Variants in SYVN1 observed in about 807,000 individuals in gnomAD.
SYVN1 encodes synoviolin 1.
SYVN1 carries 17 observed loss-of-function variants against 62.6 expected under a neutral mutation model. That is an observed-to-expected ratio of 0.27 (90% CI 0.19 to 0.41). SYVN1 has a LOEUF of 0.41. Ranked by LOEUF, SYVN1 falls within the 10% of genes least tolerant of loss-of-function variation. SYVN1 has a pLI of 1.00. For missense variants in SYVN1, 634 were observed against 818.0 expected (o/e 0.78, Z 2.74); for synonymous variants, 316 against 304.0 (o/e 1.04, Z -0.41).
In SYVN1 at chr11:65,128,504, CTG is replaced by C. The variant is rs1418460750; in HGVS notation, c.1748-18_1748-17del. 1 of 1,613,354 alleles carries C rather than the reference CTG, an allele frequency of 6.2e-7. No individual in the cohort carries two copies. Among genetic ancestry groups the C allele is most frequent in the South Asian group, 1.1e-5 (1 of 91,006 alleles). The stretch of plus-strand genomic sequence containing the variant: ...GACTCAGGAGCTGGGGACAGAGAGA[CTG>C]GAAGTGGAACCTAGAGAAGTTCCCT... On this transcript the variant is annotated splice_polypyrimidine_tract_variant and intron_variant, in intron 15 of 15. Coordinates refer to ENST00000377190, the MANE Select transcript of SYVN1 (RefSeq NM_172230.3).
intron 1 of SYVN1, 114 bp from the exon 2 acceptor site, chr11:65,133,732 C>T: frequency 2.4e-6 from 2 of 839,002 alleles, no homozygotes; most frequent in East Asian, 2.7e-5. Context: ...ATTTCGCCCT[C>T]GAAATCATCA....
intron 14 of SYVN1, 82 bp downstream of exon 14, chr11:65,129,647 G>A (rs1948148576): frequency 1.4e-6 from 2 of 1,423,166 alleles, no homozygotes; most frequent in Non-Finnish European, 2.0e-6. Context: ...GGTGTCAAAG[G>A]CCAAGAACCA....
chr11:65,131,572 G>A lies in SYVN1; in HGVS notation c.556C>T (p.Leu186Phe), dbSNP rs1948180690. ...AGCACATACTTGATGAAGATGGTGAGCACCATCGTCATCAGGATGGCATAC... is the reference window on the plus strand; with the variant it reads ...AGCACATACTTGATGAAGATGGTGAACACCATCGTCATCAGGATGGCATAC... ...FEYAILMTMV[L>F]TIFIKYVLHS... The change falls in exon 7 of 16, where the codon CTC (leucine) becomes TTC (phenylalanine). Residue 186 changes from leucine (L) to phenylalanine (F), a missense_variant. Leu to Phe is a conservative substitution (Grantham distance 22). Around this residue, in one of 2 missense-constraint regions of SYVN1, gnomAD observed 283 missense variants for 444.7 expected, o/e 0.64. Transcript: ENST00000377190. 2 of 1,613,746 alleles carry A rather than the reference G, an allele frequency of 1.2e-6. No homozygotes were observed. Among genetic ancestry groups the A allele is most frequent in the African/African-American group, 1.3e-5 (1 of 74,858 alleles).
Position 65,128,616 on chromosome 11 carries a change from G to T in SYVN1, c.1694C>A (p.Thr565Lys), listed in dbSNP as rs374312195. 8 of 1,614,108 alleles carry T rather than the reference G, an allele frequency of 5.0e-6. No individual in the cohort carries two copies. In the South Asian group the frequency reaches 7.7e-5, roughly 16 times the overall value. Residue 565 changes from threonine (T) to lysine (K), a missense_variant, in exon 15 of 16, where the codon ACG (threonine) becomes AAG (lysine). Thr to Lys is a moderately conservative substitution (Grantham distance 78, BLOSUM62 -1). Transcript: ENST00000377190. ...SSTSIPSSEA[T>K]TPTPGASPPA... ...TGGGGAGGCTCCTGGGGTTGGGGTCGTGGCCTCTGAGCTAGGGATGCTGGT... is the reference window on the plus strand; with the variant it reads ...TGGGGAGGCTCCTGGGGTTGGGGTCTTGGCCTCTGAGCTAGGGATGCTGGT...
At chr11:65,134,126 C>CG (rs1948217055) in intron 1 of SYVN1, 2 of 153,888 alleles carry the variant, frequency 1.3e-5, no homozygotes. Context: ...GGGCGGGGAA[C>CG]GTCAGCCTGG....
Position 65,129,895 on chromosome 11 carries a change from G to A in SYVN1, c.1429C>T (p.Pro477Ser), listed in dbSNP as rs1164060777. The change falls in exon 14 of 16, where the codon CCC becomes TCC. Residue 477 changes from proline to serine, a missense_variant. Around this residue, in one of 2 missense-constraint regions of SYVN1, gnomAD observed 351 missense variants for 373.3 expected, o/e 0.94. Transcript: ENST00000377190. Reference protein sequence around the residue: ...PPFAFPPMPVPPAGFAGLTPE... With the variant: ...PPFAFPPMPVSPAGFAGLTPE... ...GTCAGCCCAGCAAAGCCCGCAGGGG[G>A]CACAGGCATTGGGGGGAAGGCTGGA... is the stretch of plus-strand genomic sequence containing the variant. 4 of 1,613,882 alleles carry A rather than the reference G, an allele frequency of 2.5e-6. No individual in the cohort carries two copies. The highest frequency in any genetic ancestry group is 3.4e-6 in the Non-Finnish European group (4 of 1,179,958).
chr11:65,132,527 G>GGGCTGCCCA (rs1443996161), intron 5 of SYVN1, 176 bp from the exon 6 acceptor site: 1 of 766,270 alleles, frequency 1.3e-6, no homozygotes, highest in African/African-American at 1.7e-5. Flanking sequence ...GGAGTTGTTG[G>GGGCTGCCCA]GGCTGCCCAG....
intron 6 of SYVN1, 116 bp downstream of exon 6, chr11:65,132,132 G>C (rs1029255106): frequency 2.5e-6 from 2 of 805,872 alleles, no homozygotes; most frequent in African/African-American, 3.4e-5. Context: ...ACTGCCCCTT[G>C]GTGGCCAGCA....
chr11:65,128,438 C>T lies in SYVN1; in HGVS notation c.1798G>A (p.Ala600Thr). ...EEMPEDGEPD[A>T]AELRRRRLQK... ...AGGCGGCGCCGGCGGAGCTCTGCTG[C>T]ATCGGGCTCTCCATCCTCAGGCATC... The change falls in exon 16 of 16, where the codon GCA becomes ACA. Residue 600 changes from alanine to threonine, a missense_variant. Physicochemically the swap from Ala to Thr is moderately conservative, Grantham distance 58 (BLOSUM62 0). Coordinates refer to ENST00000377190, the MANE Select transcript of SYVN1 (RefSeq NM_172230.3). 1 of 1,614,162 alleles carries T rather than the reference C, an allele frequency of 6.2e-7. No homozygotes were observed. The highest frequency in any genetic ancestry group is 8.5e-7 in the Non-Finnish European group (1 of 1,180,026).
chr11:65,128,548 G>A lies in SYVN1; in HGVS notation c.1747+15C>T. The A allele has an allele frequency of 1.2e-6, 2 of 1,613,618 alleles. No individual in the cohort carries two copies. Among genetic ancestry groups the A allele is most frequent in the East Asian group, 2.2e-5 (1 of 44,888 alleles). On this transcript the variant is annotated intron_variant, in intron 15 of 15. Transcript: ENST00000377190. The stretch of plus-strand genomic sequence containing the variant: ...AAGTTCCCTGCTCCCCCGGCTGGAG[G>A]CCAATCACACCTACCTGGAGGCCTT...
rs1479070858 is a variant in SYVN1, at chr11:65,131,002, T to C, written c.859A>G (p.Met287Val). The part of the protein sequence containing the change: ...PDATPEELQA[M>V]DNVCIICREE... The stretch of plus-strand genomic sequence containing the variant: ...CGGCAGATGATGCAGACATTGTCCA[T>C]TGCCTGGAGCTCCTCTGGGGTGGCA... The change falls in exon 10 of 16, where the codon ATG becomes GTG. Residue 287 changes from methionine (M) to valine (V), a missense_variant. By Grantham distance (21) the Met-to-Val change is conservative. Transcript: ENST00000377190. The C allele has an allele frequency of 2.5e-6, 4 of 1,614,004 alleles. No homozygotes were observed. The African/African-American group carries it at 5.3e-5, about 22-fold the overall frequency.
At chr11:65,128,754 A>T in intron 14 of SYVN1, 40 bp from the exon 15 acceptor site, 1 of 1,550,970 alleles carries the variant, frequency 6.4e-7, no homozygotes, top group Non-Finnish European at 8.7e-7. Context: ...TGGCCTTGGC[A>T]TCCAAGGTTG....
intron 5 of SYVN1, 84 bp from the exon 6 acceptor site, chr11:65,132,435 C>T: frequency 4.1e-6 from 4 of 971,276 alleles, no homozygotes; most frequent in Non-Finnish European, 6.5e-6. Flanking sequence ...GCCCCACCCT[C>T]AAGCCCACCA....
chr11:65,134,273 C>T (rs1948219274), intron 1 of SYVN1, 183 bp downstream of exon 1: 1 of 152,770 alleles, frequency 6.5e-6, no homozygotes, highest in Non-Finnish European at 1.5e-5. Flanking sequence ...CCAGGAGTTG[C>T]GGGCGTCGCA....
chr11:65,130,369 G>A lies in SYVN1; in HGVS notation c.1116C>T (p.Gly372=). 6.5e-7 allele frequency: 1 copy of A among 1,539,308 alleles called. No individual in the cohort carries two copies. Among genetic ancestry groups the A allele is most frequent in the Non-Finnish European group, 8.7e-7 (1 of 1,145,200 alleles). The change falls in exon 12 of 16, where the codon GGC becomes GGT. Residue 372 remains glycine, a synonymous_variant. Transcript: ENST00000377190. ...LLPQPPNFPQ[G]LLPPFPPGMF... is the part of the protein sequence containing the mutation. ...TGCCTGGAGGAAAAGGAGGCAGGAG[G>A]CCCTGGGGGACTGCAGAGAGAAGAC...
In SYVN1 at chr11:65,130,373, TGG is replaced by T; in HGVS notation, c.1110_1111del (p.Gln371GlyfsTer125). ...TGGAGGAAAAGGAGGCAGGAGGCCC[TGG>T]GGGACTGCAGAGAGAAGACGGAGGT... On this transcript the variant is annotated frameshift_variant, in exon 12 of 16. Transcript: ENST00000377190. LOFTEE classifies it high-confidence loss of function. 1 of 1,537,522 alleles carries T rather than the reference TGG, an allele frequency of 6.5e-7. No homozygotes were observed. Among genetic ancestry groups the T allele is most frequent in the Non-Finnish European group, 8.7e-7 (1 of 1,144,620 alleles).
intron 1 of SYVN1, 103 bp from the exon 2 acceptor site, chr11:65,133,721 C>G: frequency 6.6e-6 from 6 of 914,000 alleles, no homozygotes; most frequent in Non-Finnish European, 9.8e-6. Context: ...GGGGAAATCA[C>G]ATTTCGCCCT....
At position 65,132,649 on chromosome 11, in the gene SYVN1, T is replaced by G. The variant is rs553179543; in HGVS notation, c.427+83A>C. 27 of 1,426,354 alleles carry G rather than the reference T, an allele frequency of 1.9e-5. No individual in the cohort carries two copies. The Admixed American group carries it at 2.2e-4, about 11-fold the overall frequency. 88.4% of individuals were successfully genotyped at this position (1,426,354 alleles called of 1,614,324 possible). ...TCCTAAATTATCTTTCCTGTACAGC[T>G]GTGGGGGGTAGCCTGTGCTCTGGAG... On this transcript the variant is annotated intron_variant, in intron 5 of 15. Transcript: ENST00000377190.
At chr11:65,132,669 C>A in intron 5 of SYVN1, 63 bp downstream of exon 5, 1 of 1,556,808 alleles carries the variant, frequency 6.4e-7, no homozygotes, top group South Asian at 1.1e-5. Context: ...AGCCTGTGCT[C>A]TGGAGTACAG....
Sources: allele counts gnomAD v4.1 joint callset, GRCh38; gene constraint gnomAD v4.1.1; regional missense constraint gnomAD v4.1.1; transcripts MANE v1.5; gene names NCBI Gene and HGNC (gene_info 2026-07-23, HGNC 2026-07-21).